The following SH3KBP1 variants were observed in gnomAD, a reference collection of about 807,000 sequenced individuals.
The protein encoded by SH3KBP1 is SH3 domain-containing kinase-binding protein 1.
A neutral mutation model predicts 50.1 loss-of-function variants in SH3KBP1; 8 were observed. That is an observed-to-expected ratio of 0.16 (90% CI 0.09 to 0.29). SH3KBP1 has a LOEUF of 0.29. Ranked by LOEUF, SH3KBP1 falls within the 10% of genes least tolerant of loss-of-function variation. The pLI, the probability that SH3KBP1 is intolerant of heterozygous loss-of-function variation, is 1.00. For missense variants in SH3KBP1, 377 were observed against 535.2 expected (o/e 0.70, Z 2.92); for synonymous variants, 227 against 218.6 (o/e 1.04, Z -0.34).
chrX:19,767,505 G>A (rs1009326046), intron 2 of SH3KBP1, among the ~76,000 whole-genome samples: 1 of 111,753 alleles, frequency 8.9e-6, no homozygotes, highest in African/African-American at 3.3e-5. Context: ...TTTTAGAGTA[G>A]AAAGGGATTT....
At chrX:19,595,722 C>T (rs917477660) in intron 9 of SH3KBP1, among the ~76,000 whole-genome samples, 3 of 110,578 alleles carry the variant, frequency 2.7e-5, no homozygotes, top group African/African-American at 9.9e-5. Flanking sequence ...CATTTTCTTG[C>T]CACCTAGGAT....
At chrX:19,693,675 C>G (rs975218270) in intron 5 of SH3KBP1, among the ~76,000 whole-genome samples, 2 of 111,594 alleles carry the variant, frequency 1.8e-5, no homozygotes, top group African/African-American at 6.5e-5. Flanking sequence ...AAGACCATTC[C>G]GCCCAACCTC....
At chrX:19,768,039 G>A (rs191017003) in intron 2 of SH3KBP1, among the ~76,000 whole-genome samples, 1 of 111,129 alleles carries the variant, frequency 9.0e-6, no homozygotes, top group Non-Finnish European at 1.9e-5. Flanking sequence ...CAATACCAAG[G>A]CACCACATGG....
At chrX:19,763,958 G>A (rs1192712432) in intron 2 of SH3KBP1, among the ~76,000 whole-genome samples, 1 of 100,700 alleles carries the variant, frequency 9.9e-6, no homozygotes, top group East Asian at 3.2e-4. Flanking sequence ...GGAGGTTGCA[G>A]TGAACTACAA....
intron 2 of SH3KBP1, among the ~76,000 whole-genome samples, chrX:19,770,167 A>G (rs1228552625): frequency 9.0e-6 from 1 of 111,542 alleles, no homozygotes; most frequent in East Asian, 2.8e-4. Flanking sequence ...CTAGTACTCA[A>G]TAGTTATTTT....
chrX:19,640,069 C>CAT (rs1486358435), intron 7 of SH3KBP1, among the ~76,000 whole-genome samples: 1 of 110,776 alleles, frequency 9.0e-6, no homozygotes, highest in Non-Finnish European at 1.9e-5. Flanking sequence ...CTCTCCCAAG[C>CAT]ATATGCAGTA....
intron 2 of SH3KBP1, among the ~76,000 whole-genome samples, chrX:19,775,463 GT>G: frequency 8.9e-6 from 1 of 111,951 alleles, no homozygotes; most frequent in South Asian, 3.7e-4. Context: ...ATCAAGCCTC[GT>G]TCAATGTTTC....
Position 19,645,409 on chromosome X carries a change from T to C in SH3KBP1, c.793A>G (p.Arg265Gly). 8.4e-7 allele frequency: 1 copy of C among 1,197,179 alleles called. No individual in the cohort carries two copies. Among genetic ancestry groups the C allele is most frequent in the African/African-American group, 1.7e-5 (1 of 57,658 alleles). ...PDSSKTEMDS[R>G]TKSKDYCKVI... ...AACTAAGGAAACTCACTCTTTGTCC[T>C]GCTGTCCATTTCTGTTTTTGATGAG... Residue 265 changes from arginine (R) to glycine (G), a missense_variant, in exon 7 of 18, where the codon AGG becomes GGG. This residue lies in a region of SH3KBP1 where 257 missense variants were observed against 374.2 expected (regional missense o/e 0.69). Coordinates refer to ENST00000397821, the MANE Select transcript of SH3KBP1 (RefSeq NM_031892.3).
chrX:19,817,873 G>A (rs1334072119), intron 2 of SH3KBP1, among the ~76,000 whole-genome samples: 2 of 111,860 alleles, frequency 1.8e-5, no homozygotes, highest in African/African-American at 6.5e-5. Context: ...CACCTCAAGT[G>A]ATCCACCCAC....
chrX:19,553,927 AAATATAT>A (rs1174867230), intron 13 of SH3KBP1, among the ~76,000 whole-genome samples: 107 of 64,126 alleles, frequency 1.7e-3, no homozygotes, highest in African/African-American at 4.8e-3. Context: ...TATAATATTA[AAATATAT>A]AATATATAAT....
intron 3 of SH3KBP1, among the ~76,000 whole-genome samples, chrX:19,721,755 A>ATGGGAGG (rs904405734): frequency 1.8e-5 from 2 of 111,238 alleles, no homozygotes; most frequent in African/African-American, 6.6e-5. Context: ...TTCCAGCACT[A>ATGGGAGG]TGGGAGGTCA....
chrX:19,707,392 G>C (rs1413061069), intron 3 of SH3KBP1, among the ~76,000 whole-genome samples: 2 of 112,055 alleles, frequency 1.8e-5, no homozygotes, highest in Admixed American at 9.4e-5. Flanking sequence ...GCAAGGCAGA[G>C]GGGATTTTTC....
chrX:19,732,041 T>C (rs1434755151), intron 3 of SH3KBP1, among the ~76,000 whole-genome samples: 1 of 111,913 alleles, frequency 8.9e-6, no homozygotes, highest in African/African-American at 3.2e-5. Flanking sequence ...GTTTTCATAA[T>C]ATGAACTAAT....
intron 1 of SH3KBP1, among the ~76,000 whole-genome samples, chrX:19,877,214 G>T (rs1157133968): frequency 8.9e-6 from 1 of 112,097 alleles, no homozygotes; most frequent in East Asian, 2.8e-4. Context: ...TTTCGGTCAA[G>T]TTGTGAAGAG....
At chrX:19,777,659 T>A (rs189464483) in intron 2 of SH3KBP1, among the ~76,000 whole-genome samples, 1 of 111,318 alleles carries the variant, frequency 9.0e-6, no homozygotes, top group East Asian at 2.8e-4. Context: ...GCTCCCTAGA[T>A]GCAAGGGTCT....
Position 19,535,669 on chromosome X carries a change from T to C in SH3KBP1, c.*748A>G, listed in dbSNP as rs1452415463. On this transcript the variant is annotated 3_prime_UTR_variant, in exon 18 of 18. Coordinates refer to ENST00000397821, the MANE Select transcript of SH3KBP1 (RefSeq NM_031892.3). ...GAGAAGCTTTGAAGACAGTGGCCTC[T>C]AGTGGACTTGGATAAGTGGCAGATT... 1 of 111,431 alleles carries C rather than the reference T, an allele frequency of 9.0e-6. No individual in the cohort carries two copies. Among genetic ancestry groups the C allele is most frequent in the Non-Finnish European group, 1.9e-5 (1 of 53,118 alleles). The allele number at this position is 111,431 out of a possible 1,213,427, so 9.2% of individuals were successfully genotyped here.
intron 13 of SH3KBP1, among the ~76,000 whole-genome samples, chrX:19,562,025 A>G (rs1404764183): frequency 1.8e-5 from 2 of 110,788 alleles, no homozygotes; most frequent in African/African-American, 6.6e-5. Context: ...GGGGCCCATC[A>G]ATGTCACTCT....
rs977470496 is a variant in SH3KBP1, at chrX:19,569,149, T to C, written c.1338A>G (p.Leu446=). 6 of 1,210,434 alleles carry C rather than the reference T, an allele frequency of 5.0e-6. No individual in the cohort carries two copies. Among genetic ancestry groups the C allele is most frequent in the African/African-American group, 1.7e-5 (1 of 57,425 alleles). Residue 446 remains leucine (L), a synonymous_variant, in exon 13 of 18, where the codon CTA becomes CTG. Transcript: ENST00000397821. ...SPKIDLAGSS[L]SGILDKDLSD... ...AGAGATCTTTGTCCAGGATGCCAGA[T>C]AGCGAACTGCCGGCCAAGTCAATCT...
intron 7 of SH3KBP1, among the ~76,000 whole-genome samples, chrX:19,634,635 C>A (rs769290175): frequency 9.0e-6 from 1 of 111,399 alleles, no homozygotes; most frequent in South Asian, 3.8e-4. Flanking sequence ...GGAGGGGCCA[C>A]AAGGAGGAGG....
Sources: allele counts gnomAD v4.1 joint callset (sites outside exome capture counted in the v4.1 genomes callset), GRCh38; gene constraint gnomAD v4.1.1; regional missense constraint gnomAD v4.1.1; transcripts MANE v1.5; gene names NCBI Gene and HGNC (gene_info 2026-07-23, HGNC 2026-07-21).